RANBP2: variants seen among roughly 807,000 people sequenced by gnomAD.
RANBP2 encodes the protein E3 SUMO-protein ligase RanBP2.
In RANBP2, 57 loss-of-function variants were observed where a neutral mutation model predicts 303.6. That is an observed-to-expected ratio of 0.19 (90% CI 0.15 to 0.23). The LOEUF (loss-of-function observed/expected upper bound fraction) is 0.23. Among genes scored for constraint, RANBP2 ranks in the 10% least tolerant of loss-of-function variants. The probability of loss-of-function intolerance (pLI) is 1.00; values close to 1 mark genes in which losing one functional copy is unlikely to be tolerated. For synonymous variants in RANBP2, 1,167 were observed against 1,301.5 expected (o/e 0.90, Z 2.23); for missense variants, 3,138 against 3,780.8 (o/e 0.83, Z 4.46).
chr2:109,526,352 A>G, the RANBP2 span, among the ~76,000 whole-genome samples: 1 of 152,026 alleles, frequency 6.6e-6, no homozygotes, highest in South Asian at 2.1e-4. Context: ...CTGTCGCCCA[A>G]GCTGGAGTGC....
At chr2:108,730,573 A>G (rs1172910881) in intron 2 of RANBP2, among the ~76,000 whole-genome samples, 1 of 152,204 alleles carries the variant, frequency 6.6e-6, no homozygotes, top group Non-Finnish European at 1.5e-5. Flanking sequence ...TAAAATGAGT[A>G]TGTGGTCAAC....
the RANBP2 span, chr2:109,737,297 C>G: frequency 1.5e-6 from 1 of 665,122 alleles, no homozygotes; most frequent in Non-Finnish European, 2.7e-6. Context: ...GAAAAATGCA[C>G]CTTGGATGTC....
At chr2:109,206,126 C>G in the RANBP2 span, among the ~76,000 whole-genome samples, 8 of 152,110 alleles carry the variant, frequency 5.3e-5, no homozygotes, top group Non-Finnish European at 1.0e-4. Flanking sequence ...CCCCTCTCTC[C>G]CTGGAGGTTT....
chr2:109,462,842 C>T, the RANBP2 span, among the ~76,000 whole-genome samples: 3 of 152,184 alleles, frequency 2.0e-5, no homozygotes, highest in Non-Finnish European at 4.4e-5. Context: ...ATCACCTGTG[C>T]TCCATAAGCC....
the RANBP2 span, among the ~76,000 whole-genome samples, chr2:108,899,585 G>A: frequency 3.7e-4 from 57 of 152,178 alleles, 1 homozygote; most frequent in Non-Finnish European, 7.4e-4. Context: ...AATTTATGTG[G>A]TTCTAAATAT....
chr2:109,613,612 G>C, the RANBP2 span: 3 of 328,754 alleles, frequency 9.1e-6, no homozygotes, highest in African/African-American at 2.2e-5. Flanking sequence ...CCCAGGCTCC[G>C]CAGAGGCTCC....
the RANBP2 span, among the ~76,000 whole-genome samples, chr2:109,675,872 A>G: frequency 6.6e-6 from 1 of 152,224 alleles, no homozygotes; most frequent in Admixed American, 6.5e-5. Flanking sequence ...TCCCCACCCC[A>G]GGGTGTGTCT....
chr2:109,347,513 G>T, the RANBP2 span, among the ~76,000 whole-genome samples: 1 of 152,106 alleles, frequency 6.6e-6, no homozygotes, highest in Non-Finnish European at 1.5e-5. Flanking sequence ...ATGTTCCTGT[G>T]ACAGGCTGTT....
the RANBP2 span, among the ~76,000 whole-genome samples, chr2:109,647,384 G>C: frequency 3.3e-5 from 5 of 151,872 alleles, no homozygotes; most frequent in Non-Finnish European, 7.4e-5. Flanking sequence ...AGATGGTCTC[G>C]ATATCTTAAC....
chr2:109,159,522 C>T, the RANBP2 span, among the ~76,000 whole-genome samples: 6 of 152,192 alleles, frequency 3.9e-5, no homozygotes, highest in African/African-American at 1.4e-4. Flanking sequence ...CCTTGTTGCT[C>T]ACAGCTTATT....
Position 108,785,567 on chromosome 2 carries a change from T to A in RANBP2, c.*1666T>A, listed in dbSNP as rs1317629184. 1 of 152,206 alleles carries A rather than the reference T, an allele frequency of 6.6e-6. No homozygotes were observed. The highest frequency in any genetic ancestry group is 1.5e-5 in the Non-Finnish European group (1 of 68,036). 9.4% of individuals were successfully genotyped at this position (152,206 alleles called of 1,614,324 possible). On this transcript the variant is annotated 3_prime_UTR_variant, in exon 29 of 29. Transcript: ENST00000283195. The stretch of plus-strand genomic sequence containing the variant: ...AGCTTTAAAAACTTTGACCAAAAAT[T>A]TGACAAAATGACATGTAAACTGACT...
the RANBP2 span, among the ~76,000 whole-genome samples, chr2:109,570,922 T>C: frequency 6.6e-6 from 1 of 152,312 alleles, no homozygotes; most frequent in East Asian, 1.9e-4. Flanking sequence ...CATGGCGACA[T>C]GGTTTGGATT....
the RANBP2 span, among the ~76,000 whole-genome samples, chr2:109,062,488 C>T: frequency 5.9e-5 from 9 of 152,168 alleles, no homozygotes; most frequent in Admixed American, 1.3e-4. Flanking sequence ...TGTGTATAGC[C>T]GGGTGGATTT....
chr2:108,904,398 T>C, the RANBP2 span, among the ~76,000 whole-genome samples: 1 of 152,198 alleles, frequency 6.6e-6, no homozygotes, highest in Admixed American at 6.5e-5. Flanking sequence ...AGAAAACGGT[T>C]TGGCAGTTTT....
the RANBP2 span, among the ~76,000 whole-genome samples, chr2:109,218,198 G>A: frequency 1.3e-5 from 2 of 151,812 alleles, no homozygotes; most frequent in Non-Finnish European, 2.9e-5. Context: ...TCTGAGGCAC[G>A]TGACAAAATT....
At chr2:109,712,150 GT>G in the RANBP2 span, among the ~76,000 whole-genome samples, 2 of 152,206 alleles carry the variant, frequency 1.3e-5, no homozygotes, top group Non-Finnish European at 2.9e-5. Context: ...CAGGTAGGCT[GT>G]TAAAACAGGC....
At chr2:109,277,137 G>A in the RANBP2 span, among the ~76,000 whole-genome samples, 2 of 152,156 alleles carry the variant, frequency 1.3e-5, no homozygotes, top group African/African-American at 2.4e-5. Flanking sequence ...GGGGGCATGG[G>A]GTGGCAGGTC....
the RANBP2 span, among the ~76,000 whole-genome samples, chr2:109,105,253 T>A: frequency 8.5e-5 from 13 of 152,320 alleles, no homozygotes; most frequent in Admixed American, 5.2e-4. Context: ...TTAACCGATA[T>A]ATGACCTTCC....
At chr2:109,581,384 C>T in the RANBP2 span, among the ~76,000 whole-genome samples, 1 of 151,908 alleles carries the variant, frequency 6.6e-6, no homozygotes, top group African/African-American at 2.4e-5. Flanking sequence ...TTGCAGTGAG[C>T]CGAGATTGCG....
Sources: allele counts gnomAD v4.1 joint callset (sites outside exome capture counted in the v4.1 genomes callset), GRCh38; gene constraint gnomAD v4.1.1; transcripts MANE v1.5; gene names NCBI Gene and HGNC (gene_info 2026-07-23, HGNC 2026-07-21).